The following ZBTB20 variants were observed in gnomAD, a reference collection of about 807,000 sequenced individuals.
ZBTB20 encodes zinc finger and BTB domain-containing protein 20.
A neutral mutation model predicts 56.9 loss-of-function variants in ZBTB20; 9 were observed. That is an observed-to-expected ratio of 0.16 (90% confidence interval 0.10 to 0.28). ZBTB20 has a LOEUF of 0.28. Among genes scored for constraint, ZBTB20 ranks in the 10% least tolerant of loss-of-function variants. The pLI is 1.00. For missense variants in ZBTB20, 655 were observed against 1,003.0 expected, an observed-to-expected ratio of 0.65 and a Z score of 4.69; for synonymous variants, 417 against 420.7, an observed-to-expected ratio of 0.99 and a Z score of 0.11.
chr3:114,768,360 C>A (rs1011273324), intron 5 of ZBTB20, among the ~76,000 whole-genome samples: 4 of 151,900 alleles, frequency 2.6e-5, no homozygotes, highest in African/African-American at 7.2e-5. Flanking sequence ...ATGTTTTAAT[C>A]ATTAATTCTA....
intron 2 of ZBTB20, among the ~76,000 whole-genome samples, chr3:115,062,737 T>C (rs1270723134): frequency 6.6e-6 from 1 of 152,136 alleles, no homozygotes; most frequent in East Asian, 1.9e-4. Flanking sequence ...AACCTCCATA[T>C]TTTTGTAAAC....
chr3:114,906,993 G>A (rs1037673986), intron 3 of ZBTB20, among the ~76,000 whole-genome samples: 2 of 151,802 alleles, frequency 1.3e-5, no homozygotes, highest in African/African-American at 4.8e-5. Context: ...TACTATTATA[G>A]TTGGAGAAAA....
At chr3:114,987,637 C>T (rs1286634579) in intron 2 of ZBTB20, among the ~76,000 whole-genome samples, 1 of 152,074 alleles carries the variant, frequency 6.6e-6, no homozygotes. Context: ...GTTTGCTAAT[C>T]CTTGGTTCCT....
intron 3 of ZBTB20, among the ~76,000 whole-genome samples, chr3:114,913,957 A>T (rs1329919236): frequency 1.3e-5 from 2 of 152,050 alleles, no homozygotes; most frequent in African/African-American, 2.4e-5. Flanking sequence ...TTGGTATGCC[A>T]GTACCATGCT....
intron 2 of ZBTB20, among the ~76,000 whole-genome samples, chr3:115,036,878 T>C (rs1002664564): frequency 9.2e-5 from 14 of 152,142 alleles, no homozygotes; most frequent in African/African-American, 2.7e-4. Flanking sequence ...GAACTTACGA[T>C]GAATGTCCAC....
intron 3 of ZBTB20, among the ~76,000 whole-genome samples, chr3:114,968,043 A>T (rs1321761786): frequency 6.6e-6 from 1 of 152,168 alleles, no homozygotes. Flanking sequence ...TATTATATAA[A>T]AATATTTGTA....
intron 5 of ZBTB20, among the ~76,000 whole-genome samples, chr3:114,731,367 T>C (rs2065738092): frequency 6.6e-6 from 1 of 152,210 alleles, no homozygotes; most frequent in Admixed American, 6.5e-5. Context: ...GGCAATATCT[T>C]GCATTTATCC....
chr3:114,682,897 T>G lies in ZBTB20; in HGVS notation c.-295+10631A>C, dbSNP rs1263880223. 2.0e-5 allele frequency among the ~76,000 whole-genome samples: 3 copies of G among 152,210 alleles called. No individual in the cohort carries two copies. The East Asian group carries it at 5.8e-4, about 29-fold the overall frequency. The stretch of plus-strand genomic sequence containing the variant: ...TCTCTTGGCTTTGAGCTTGGTTAAG[T>G]GACTTGCTTTGACTAATGAAATATT... On this transcript the variant is annotated intron_variant, in intron 6 of 11. Coordinates refer to ENST00000675478, the MANE Select transcript of ZBTB20 (RefSeq NM_001348800.3).
intron 3 of ZBTB20, among the ~76,000 whole-genome samples, chr3:114,906,668 G>A (rs2075330030): frequency 6.6e-6 from 1 of 151,456 alleles, no homozygotes; most frequent in Admixed American, 6.6e-5. Context: ...TTTAGGAGAA[G>A]GGGCTCACTA....
intron 6 of ZBTB20, among the ~76,000 whole-genome samples, chr3:114,644,945 A>AT (rs1009437884): frequency 6.6e-6 from 1 of 152,092 alleles, no homozygotes; most frequent in East Asian, 1.9e-4. Context: ...TAGACATTAA[A>AT]TTTTTTTCTT....
intron 4 of ZBTB20, among the ~76,000 whole-genome samples, chr3:114,898,464 A>C (rs780125396): frequency 7.9e-5 from 12 of 152,298 alleles, no homozygotes; most frequent in Non-Finnish European, 1.3e-4. Flanking sequence ...AGAATTTATC[A>C]GTATTCTCAT....
Position 114,339,902 on chromosome 3 carries a change from T to G in ZBTB20, c.1805-476A>C, listed in dbSNP as rs1394560350. Among the ~76,000 whole-genome samples the G allele has an allele frequency of 6.6e-6, 1 of 152,234 alleles. No individual in the cohort carries two copies. The highest frequency in any genetic ancestry group is 1.5e-5 in the Non-Finnish European group (1 of 68,034). ...AACTAAGGATATTGGTCACTATAGC[T>G]TGGTTCCTTGGGGTAAGTCCCCACT... On this transcript the variant is annotated intron_variant, in intron 11 of 11. Transcript: ENST00000675478. This position sits in a 1 kb window ranked among gnomAD's most constrained non-coding sequence, Gnocchi z 4.2.
intron 6 of ZBTB20, among the ~76,000 whole-genome samples, chr3:114,680,024 C>G (rs1271538638): frequency 6.6e-6 from 1 of 152,142 alleles, no homozygotes; most frequent in East Asian, 1.9e-4. Flanking sequence ...TCTCAGCAAA[C>G]TAACACAGGA....
chr3:114,565,405 G>A (rs1021147063), intron 6 of ZBTB20, among the ~76,000 whole-genome samples: 10 of 152,108 alleles, frequency 6.6e-5, no homozygotes, highest in South Asian at 2.1e-4. Context: ...ACCTTGCCCC[G>A]AATTTCTTTT....
intron 1 of ZBTB20, among the ~76,000 whole-genome samples, chr3:115,092,414 A>G (rs2083232084): frequency 6.6e-6 from 1 of 152,170 alleles, no homozygotes. Context: ...CTAACACCAC[A>G]GTTGTAATAC....
intron 4 of ZBTB20, among the ~76,000 whole-genome samples, chr3:114,841,148 A>G (rs919926902): frequency 1.8e-4 from 27 of 152,234 alleles, no homozygotes; most frequent in African/African-American, 6.5e-4. Context: ...AATCAATGAT[A>G]ATAAAGTGCA....
At chr3:114,831,485 T>C (rs938455896) in intron 4 of ZBTB20, among the ~76,000 whole-genome samples, 1 of 151,954 alleles carries the variant, frequency 6.6e-6, no homozygotes, top group African/African-American at 2.4e-5. Flanking sequence ...AAAGGCAATA[T>C]AAGGAAAATT....
At chr3:114,709,231 T>A (rs530302472) in intron 5 of ZBTB20, among the ~76,000 whole-genome samples, 3 of 152,296 alleles carry the variant, frequency 2.0e-5, no homozygotes, top group African/African-American at 7.2e-5. Context: ...TATTTAGGCC[T>A]GCAGCAGAAC....
At chr3:114,926,359 T>C (rs567619494) in intron 3 of ZBTB20, among the ~76,000 whole-genome samples, 1 of 152,254 alleles carries the variant, frequency 6.6e-6, no homozygotes, top group Non-Finnish European at 1.5e-5. Flanking sequence ...GTATTGTGTT[T>C]TGTTATGCTT....
Sources: allele counts gnomAD v4.1 joint callset (sites outside exome capture counted in the v4.1 genomes callset), GRCh38; gene constraint gnomAD v4.1.1; non-coding constraint Gnocchi (gnomAD v3.1); transcripts MANE v1.5; gene names NCBI Gene and HGNC (gene_info 2026-07-23, HGNC 2026-07-21).